Variants in ARHGEF33 observed in about 807,000 individuals in gnomAD.
ARHGEF33 encodes the protein Rho guanine nucleotide exchange factor 33.
In ARHGEF33, 72 loss-of-function variants were observed where a neutral mutation model predicts 101.9. The observed-to-expected ratio is 0.71, with a 90% CI of 0.58 to 0.86. The LOEUF (loss-of-function observed/expected upper bound fraction) is 0.86, where lower values mean the gene tolerates loss of function less well. Among genes scored for constraint, ARHGEF33 ranks in the 40% least tolerant of loss-of-function variants. The pLI, the probability that ARHGEF33 is intolerant of heterozygous loss-of-function variation, is 0.00. For missense variants in ARHGEF33, 1,169 were observed against 1,111.3 expected (o/e 1.05, Z -0.74); for synonymous variants, 499 against 442.5 (o/e 1.13, Z -1.60).
At position 38,921,487 on chromosome 2, in the gene ARHGEF33, T is replaced by C. The variant is rs550378225; in HGVS notation, c.75+64T>C. 2.8e-5 allele frequency: 31 copies of C among 1,101,032 alleles called. No homozygotes were observed. In the Admixed American group the frequency reaches 6.1e-4, roughly 22 times the overall value. The allele number at this position is 1,101,032 out of a possible 1,614,324, so 68.2% of individuals were successfully genotyped here. ...AATAGCAATGACTGACTATTCTTTA[T>C]GTGTACACGTTTTTAGCACTCACAA... On this transcript the variant is annotated intron_variant, in intron 4 of 17. Coordinates refer to ENST00000409978, the MANE Select transcript of ARHGEF33 (RefSeq NM_001145451.5).
chr2:38,937,057 C>CAA, intron 8 of ARHGEF33: 2 of 212,276 alleles, frequency 9.4e-6, no homozygotes, highest in South Asian at 8.4e-5. Flanking sequence ...TGCAATGGGG[C>CAA]GATCTCGGCT....
rs143234144 is a variant in ARHGEF33 at position 38,954,692 on chromosome 2, G to A, written c.1221+236G>A. On this transcript the variant is annotated intron_variant, in intron 13 of 17. Coordinates refer to ENST00000409978, the MANE Select transcript of ARHGEF33 (RefSeq NM_001145451.5). ...TCTGTCACCCAGGCTGGAGTACAGT[G>A]GTGTGATCTAGGCTCACTGCAACCT... is the stretch of plus-strand genomic sequence containing the variant. Among the ~76,000 whole-genome samples the A allele has an allele frequency of 1.0e-3, 154 of 150,246 alleles. 1 individual carries two copies. Among genetic ancestry groups the A allele is most frequent in the African/African-American group, 3.3e-3 (136 of 40,758 alleles).
chr2:38,968,688 A>G (rs541368724), intron 17 of ARHGEF33, among the ~76,000 whole-genome samples: 207 of 152,312 alleles, frequency 1.4e-3, no homozygotes, highest in African/African-American at 4.6e-3. Context: ...GCCACCACCA[A>G]TACTGGTGCT....
chr2:38,896,599 C>T (rs1666127673), intron 2 of ARHGEF33, among the ~76,000 whole-genome samples: 1 of 152,190 alleles, frequency 6.6e-6, no homozygotes. Context: ...GCCCACTTGA[C>T]AGTTGAGGGA....
At chr2:38,940,943 G>A (rs914879172) in intron 9 of ARHGEF33, among the ~76,000 whole-genome samples, 2 of 152,134 alleles carry the variant, frequency 1.3e-5, no homozygotes, top group African/African-American at 4.8e-5. Flanking sequence ...TTGAGTCATG[G>A]GTGTAGGTCC....
intron 12 of ARHGEF33, among the ~76,000 whole-genome samples, chr2:38,953,525 G>A (rs1402375248): frequency 6.6e-6 from 1 of 152,184 alleles, no homozygotes; most frequent in Non-Finnish European, 1.5e-5. Context: ...AGATCTCCAG[G>A]CTGCAGCTTA....
chr2:38,918,278 G>C (rs997721129), intron 2 of ARHGEF33, among the ~76,000 whole-genome samples: 2 of 152,252 alleles, frequency 1.3e-5, no homozygotes, highest in Non-Finnish European at 2.9e-5. Flanking sequence ...TGCTGTCTTA[G>C]AAGGTAGAAA....
intron 10 of ARHGEF33, among the ~76,000 whole-genome samples, chr2:38,949,395 C>T (rs1667535596): frequency 6.6e-6 from 1 of 152,234 alleles, no homozygotes; most frequent in East Asian, 1.9e-4. Context: ...AACTCTGCTT[C>T]TTTTTATTTT....
chr2:38,896,602 T>C (rs866775637), intron 2 of ARHGEF33, among the ~76,000 whole-genome samples: 9 of 152,214 alleles, frequency 5.9e-5, no homozygotes, highest in African/African-American at 1.4e-4. Flanking sequence ...CACTTGACAG[T>C]TGAGGGAGCA....
intron 2 of ARHGEF33, among the ~76,000 whole-genome samples, chr2:38,898,911 G>C (rs956175269): frequency 6.6e-6 from 1 of 152,152 alleles, no homozygotes; most frequent in Admixed American, 6.5e-5. Context: ...CTTTGCCAAA[G>C]GGTAGTGCTC....
At chr2:38,906,188 C>CAA (rs70954773) in intron 2 of ARHGEF33, among the ~76,000 whole-genome samples, 4,983 of 65,892 alleles carry the variant, frequency 0.076, 134 homozygotes, top group Non-Finnish European at 0.11. Context: ...GACTCTGTCT[C>CAA]AAAAAAAAAA....
chr2:38,968,991 G>A (rs1299711707), intron 17 of ARHGEF33, among the ~76,000 whole-genome samples: 2 of 152,124 alleles, frequency 1.3e-5, no homozygotes, highest in Non-Finnish European at 2.9e-5. Flanking sequence ...GAAGGGCAGT[G>A]GCTTTTAACT....
At chr2:38,925,181 G>T (rs1666844048) in intron 4 of ARHGEF33, among the ~76,000 whole-genome samples, 2 of 152,084 alleles carry the variant, frequency 1.3e-5, no homozygotes, top group African/African-American at 4.8e-5. Flanking sequence ...GAGTGTTAAT[G>T]GTTATACTGA....
chr2:38,908,953 TA>T (rs1300235868), intron 2 of ARHGEF33, among the ~76,000 whole-genome samples: 2 of 152,208 alleles, frequency 1.3e-5, no homozygotes, highest in Non-Finnish European at 2.9e-5. Flanking sequence ...CAAGTTGTAG[TA>T]AAAAGCGTGT....
intron 2 of ARHGEF33, among the ~76,000 whole-genome samples, chr2:38,913,759 A>G (rs535741377): frequency 6.2e-4 from 94 of 151,806 alleles, no homozygotes; most frequent in Non-Finnish European, 1.1e-3. Flanking sequence ...ACAGAGTAAG[A>G]CTCTGTCTCA....
At chr2:38,903,297 A>G (rs1666291066) in intron 2 of ARHGEF33, among the ~76,000 whole-genome samples, 1 of 152,220 alleles carries the variant, frequency 6.6e-6, no homozygotes, top group Non-Finnish European at 1.5e-5. Context: ...TCTGTTTTGC[A>G]TGTGAATTTT....
chr2:38,958,027 C>A lies in ARHGEF33; in HGVS notation c.1371-7C>A, dbSNP rs1400788773. On this transcript the variant is annotated splice_region_variant and splice_polypyrimidine_tract_variant and intron_variant, in intron 14 of 17. Coordinates refer to ENST00000409978, the MANE Select transcript of ARHGEF33 (RefSeq NM_001145451.5). The stretch of plus-strand genomic sequence containing the variant: ...CAACCTGAGAACTGTTATTTCCATT[C>A]TGTTAGGTCATCCATGGCGAAGCTG... 5 of 1,552,112 alleles carry A rather than the reference C, an allele frequency of 3.2e-6. No homozygotes were observed. Among genetic ancestry groups the A allele is most frequent in the Middle Eastern group, 3.3e-4 (2 of 6,014 alleles).
chr2:38,934,242 C>T (rs1169725322), intron 7 of ARHGEF33, among the ~76,000 whole-genome samples: 2 of 152,174 alleles, frequency 1.3e-5, no homozygotes, highest in African/African-American at 2.4e-5. Flanking sequence ...TGATTTTACA[C>T]CTACTTTCTG....
chr2:38,916,732 T>C (rs546536855), intron 2 of ARHGEF33, among the ~76,000 whole-genome samples: 1 of 152,242 alleles, frequency 6.6e-6, no homozygotes, highest in Non-Finnish European at 1.5e-5. Context: ...TTTTGCTTTA[T>C]AAACCTCAGT....
Sources: allele counts gnomAD v4.1 joint callset (sites outside exome capture counted in the v4.1 genomes callset), GRCh38; gene constraint gnomAD v4.1.1; transcripts MANE v1.5; gene names NCBI Gene and HGNC (gene_info 2026-07-23, HGNC 2026-07-21).